Variants in RBFOX3 observed in about 807,000 individuals in gnomAD.
The protein encoded by RBFOX3 is RNA binding protein fox-1 homolog 3.
A neutral mutation model predicts 48.7 loss-of-function variants in RBFOX3; 17 were observed. The ratio of observed to expected loss-of-function variants is 0.35; its 90% CI spans 0.24 to 0.52. RBFOX3 has a LOEUF of 0.52. Among genes scored for constraint, RBFOX3 ranks in the 20% least tolerant of loss-of-function variants. The probability of loss-of-function intolerance (pLI) is 0.94; values close to 1 mark genes in which losing one functional copy is unlikely to be tolerated. For missense variants in RBFOX3, 382 were observed against 497.5 expected (o/e 0.77, Z 2.21); for synonymous variants, 212 against 209.5 (o/e 1.01, Z -0.10).
intron 2 of RBFOX3, among the ~76,000 whole-genome samples, chr17:79,374,505 G>A (rs749508201): frequency 1.1e-4 from 17 of 152,364 alleles, no homozygotes; most frequent in Non-Finnish European, 2.4e-4. Context: ...ACTTAGGGCA[G>A]CAAATAAAAC....
chr17:79,589,018 T>C (rs927704313), intron 1 of RBFOX3, among the ~76,000 whole-genome samples: 2 of 141,692 alleles, frequency 1.4e-5, no homozygotes, highest in African/African-American at 2.7e-5. Flanking sequence ...GGCCATATAG[T>C]GAGACCCCGT....
chr17:79,158,261 G>A (rs533599752), intron 4 of RBFOX3, among the ~76,000 whole-genome samples: 40 of 152,338 alleles, frequency 2.6e-4, no homozygotes, highest in Non-Finnish European at 5.3e-4. Flanking sequence ...GAGGAGAAAC[G>A]CCTGTTGTTT....
At chr17:79,270,415 C>T (rs1473592637) in intron 3 of RBFOX3, among the ~76,000 whole-genome samples, 2 of 152,194 alleles carry the variant, frequency 1.3e-5, no homozygotes, top group African/African-American at 2.4e-5. Context: ...CTCCCCAGCT[C>T]AAGAGCGGGC....
At chr17:79,223,808 C>G (rs1207756828) in intron 4 of RBFOX3, among the ~76,000 whole-genome samples, 2 of 152,190 alleles carry the variant, frequency 1.3e-5, no homozygotes, top group Non-Finnish European at 2.9e-5. Context: ...TGCGCCCCCC[C>G]TACAGCACAG....
intron 2 of RBFOX3, among the ~76,000 whole-genome samples, chr17:79,318,854 C>CAAAAAAAAAAAAAAAAAAAAAAAAAAAA (rs71161660): frequency 1.5e-4 from 5 of 32,524 alleles, no homozygotes; most frequent in Admixed American, 5.1e-4. Context: ...GACTCCATCT[C>CAAAAAAAAAAAAAAAAAAAAAAAAAAAA]AAAAAAAAAA....
chr17:79,371,719 C>A (rs1432451763), intron 2 of RBFOX3, among the ~76,000 whole-genome samples: 1 of 152,166 alleles, frequency 6.6e-6, no homozygotes, highest in Non-Finnish European at 1.5e-5. Context: ...AATGTGGAAA[C>A]CACGTGTTAA....
intron 4 of RBFOX3, among the ~76,000 whole-genome samples, chr17:79,133,903 G>C (rs1795955): frequency 0.36 from 54,403 of 152,184 alleles, 10,481 homozygotes; most frequent in African/African-American, 0.47. Context: ...CTCTCCCCCA[G>C]GGTTCCAGGG....
intron 1 of RBFOX3, among the ~76,000 whole-genome samples, chr17:79,578,497 T>C (rs976444313): frequency 2.0e-5 from 3 of 152,236 alleles, no homozygotes; most frequent in Non-Finnish European, 4.4e-5. Flanking sequence ...ACTCAACCCC[T>C]GATGGGCTTG....
At chr17:79,110,157 C>T (rs1460931012) in intron 5 of RBFOX3, among the ~76,000 whole-genome samples, 1 of 150,262 alleles carries the variant, frequency 6.7e-6, no homozygotes, top group Non-Finnish European at 1.5e-5. Context: ...GCCGTCTTTG[C>T]TTCTTGTTCT....
intron 1 of RBFOX3, among the ~76,000 whole-genome samples, chr17:79,520,542 G>A (rs2085910940): frequency 6.6e-6 from 1 of 152,134 alleles, no homozygotes; most frequent in African/African-American, 2.4e-5. Context: ...CACACCGCCT[G>A]CCCCCTGCCA....
intron 2 of RBFOX3, among the ~76,000 whole-genome samples, chr17:79,350,147 C>T (rs545866616): frequency 9.2e-5 from 14 of 152,316 alleles, no homozygotes; most frequent in East Asian, 1.9e-4. Context: ...GCCCCCTGTC[C>T]GTGGCATTGT....
chr17:79,132,320 A>G (rs1486190264), intron 4 of RBFOX3, among the ~76,000 whole-genome samples: 1 of 152,126 alleles, frequency 6.6e-6, no homozygotes, highest in Non-Finnish European at 1.5e-5. Flanking sequence ...CACTGCACTT[A>G]GGGTAAGCAA....
the RBFOX3 span, among the ~76,000 whole-genome samples, chr17:79,648,952 A>T: frequency 6.6e-6 from 1 of 151,304 alleles, no homozygotes; most frequent in Non-Finnish European, 1.5e-5. Context: ...AGACAGCTCA[A>T]TCAGCTTAGC....
In RBFOX3 at chr17:79,313,701, C is replaced by T. The variant is rs189304595; in HGVS notation, c.-174-5877G>A. Among the ~76,000 whole-genome samples, 648 of 152,324 alleles carry T rather than the reference C, an allele frequency of 4.3e-3. 6 individuals are homozygous for T. Among genetic ancestry groups the T allele is most frequent in the African/African-American group, 0.015 (623 of 41,572 alleles). On this transcript the variant is annotated intron_variant, in intron 2 of 14. Transcript: ENST00000693108. ...CCTTGCTCAGAGCCTCCCCTTCCCA[C>T]CCCCAGATCCTTGGGGGCTGTGGCT...
chr17:79,349,643 C>T (rs982453012), intron 2 of RBFOX3, among the ~76,000 whole-genome samples: 4 of 152,120 alleles, frequency 2.6e-5, no homozygotes, highest in African/African-American at 9.7e-5. Context: ...CCACCAGGCC[C>T]GGCAATGCCT....
At chr17:79,630,179 G>C in the RBFOX3 span, among the ~76,000 whole-genome samples, 1 of 152,184 alleles carries the variant, frequency 6.6e-6, no homozygotes, top group Non-Finnish European at 1.5e-5. Flanking sequence ...GATGAACGTG[G>C]GGGTCCGCCT....
chr17:79,563,062 G>A (rs2092310148), intron 1 of RBFOX3, among the ~76,000 whole-genome samples: 1 of 152,224 alleles, frequency 6.6e-6, no homozygotes, highest in East Asian at 1.9e-4. Context: ...CAGCAGAGCG[G>A]GCGGGGGGAG....
At chr17:79,339,938 C>T (rs1292944762) in intron 2 of RBFOX3, among the ~76,000 whole-genome samples, 1 of 152,212 alleles carries the variant, frequency 6.6e-6, no homozygotes, top group Admixed American at 6.5e-5. Flanking sequence ...AGCAGAGAAG[C>T]AGAGTCCTGC....
At chr17:79,547,304 A>AGGCGTGGT (rs111556822) in intron 1 of RBFOX3, among the ~76,000 whole-genome samples, 107 of 152,250 alleles carry the variant, frequency 7.0e-4, no homozygotes, top group Middle Eastern at 3.4e-3. Context: ...AAAATTAGCC[A>AGGCGTGGT]GGCGTGGTGG....
Sources: allele counts gnomAD v4.1 joint callset (sites outside exome capture counted in the v4.1 genomes callset), GRCh38; gene constraint gnomAD v4.1.1; transcripts MANE v1.5; gene names NCBI Gene and HGNC (gene_info 2026-07-23, HGNC 2026-07-21).